The following TMEM132C variants were observed in gnomAD, a reference collection of about 807,000 sequenced individuals.
TMEM132C encodes transmembrane protein 132C, also known as protein phosphatase 1, regulatory subunit 152.
In TMEM132C, 29 loss-of-function variants were observed where a neutral mutation model predicts 61.4. The observed-to-expected ratio is 0.47, with a 90% CI of 0.35 to 0.64. The LOEUF (loss-of-function observed/expected upper bound fraction) is 0.64. TMEM132C is among the 30% of genes least tolerant of loss of function. TMEM132C has a pLI of 0.00. For missense variants in TMEM132C, 1,408 were observed against 1,476.9 expected (o/e 0.95, Z 0.76); for synonymous variants, 656 against 633.1 (o/e 1.04, Z -0.54).
intron 1 of TMEM132C, among the ~76,000 whole-genome samples, chr12:128,324,330 G>T (rs1296779806): frequency 6.6e-6 from 1 of 152,180 alleles, no homozygotes. Context: ...GTCTCCACCG[G>T]CCTAAAAGGA....
intron 1 of TMEM132C, among the ~76,000 whole-genome samples, chr12:128,359,860 T>C (rs1565912167): frequency 6.6e-6 from 1 of 152,208 alleles, no homozygotes; most frequent in South Asian, 2.1e-4. Context: ...AATTAGTCTT[T>C]ATAGCAGGAT....
At chr12:128,465,396 T>C (rs1870696791) in intron 2 of TMEM132C, among the ~76,000 whole-genome samples, 1 of 152,096 alleles carries the variant, frequency 6.6e-6, no homozygotes, top group Non-Finnish European at 1.5e-5. Flanking sequence ...GACGGGGTTT[T>C]TGCCATGTTG....
chr12:128,574,789 G>A (rs889799471), intron 3 of TMEM132C, among the ~76,000 whole-genome samples: 1 of 152,202 alleles, frequency 6.6e-6, no homozygotes, highest in African/African-American at 2.4e-5. Context: ...GGTGCTTTGA[G>A]TTTCTTCACT....
intron 1 of TMEM132C, among the ~76,000 whole-genome samples, chr12:128,349,079 C>T (rs1873257945): frequency 6.6e-6 from 1 of 152,238 alleles, no homozygotes; most frequent in Non-Finnish European, 1.5e-5. Context: ...CCTGGGCTCA[C>T]TGCAACATGT....
intron 4 of TMEM132C, among the ~76,000 whole-genome samples, chr12:128,620,614 C>T (rs1031048511): frequency 9.9e-5 from 15 of 152,212 alleles, no homozygotes; most frequent in South Asian, 4.1e-4. Context: ...CTAATTTTGG[C>T]GGTGTAGGAA....
At chr12:128,691,719 C>T (rs1229648028) in intron 5 of TMEM132C, among the ~76,000 whole-genome samples, 11 of 152,154 alleles carry the variant, frequency 7.2e-5, no homozygotes, top group African/African-American at 2.7e-4. Flanking sequence ...ATCAGTTCAT[C>T]TATCTATCCA....
At chr12:128,566,127 T>C (rs1398832940) in intron 3 of TMEM132C, among the ~76,000 whole-genome samples, 2 of 145,730 alleles carry the variant, frequency 1.4e-5, no homozygotes, top group African/African-American at 5.3e-5. Flanking sequence ...TGGCCTCAAG[T>C]GATCCACCTG....
chr12:128,581,808 G>A (rs904571601), intron 3 of TMEM132C, among the ~76,000 whole-genome samples: 6 of 152,332 alleles, frequency 3.9e-5, no homozygotes, highest in East Asian at 1.9e-4. Flanking sequence ...CAGATTCCCC[G>A]AAGAGATGTA....
intron 3 of TMEM132C, among the ~76,000 whole-genome samples, chr12:128,580,212 C>T (rs915489589): frequency 4.0e-4 from 60 of 151,558 alleles, no homozygotes; most frequent in African/African-American, 1.3e-3. Context: ...GCAGATAGAT[C>T]GAGACCATCC....
chr12:128,559,251 A>AT (rs1874434956), intron 3 of TMEM132C, among the ~76,000 whole-genome samples: 1 of 151,970 alleles, frequency 6.6e-6, no homozygotes, highest in Non-Finnish European at 1.5e-5. Flanking sequence ...TATATCTTGT[A>AT]TTTTTTCCAT....
intron 2 of TMEM132C, among the ~76,000 whole-genome samples, chr12:128,461,485 G>A (rs1448832522): frequency 2.0e-5 from 3 of 151,978 alleles, no homozygotes; most frequent in Non-Finnish European, 4.4e-5. Context: ...AAGGGACTTG[G>A]CCTGAAGACT....
At chr12:128,380,911 G>A (rs1449764653) in intron 1 of TMEM132C, among the ~76,000 whole-genome samples, 3 of 152,104 alleles carry the variant, frequency 2.0e-5, no homozygotes, top group African/African-American at 4.8e-5. Context: ...TGAACTCATG[G>A]CCAACTGCAC....
At chr12:128,590,377 G>T (rs1875707946) in intron 3 of TMEM132C, among the ~76,000 whole-genome samples, 1 of 152,200 alleles carries the variant, frequency 6.6e-6, no homozygotes, top group Non-Finnish European at 1.5e-5. Context: ...CAGGAAAACA[G>T]GATGAGAAAC....
chr12:128,441,956 C>T (rs564444229), intron 2 of TMEM132C, among the ~76,000 whole-genome samples: 107 of 152,206 alleles, frequency 7.0e-4, no homozygotes, highest in African/African-American at 2.2e-3. Context: ...GAGCCGGGAT[C>T]GCACCATGGC....
At chr12:128,333,132 A>G (rs974393840) in intron 1 of TMEM132C, among the ~76,000 whole-genome samples, 8 of 151,298 alleles carry the variant, frequency 5.3e-5, no homozygotes, top group African/African-American at 1.9e-4. Flanking sequence ...TGCTGTTTTT[A>G]TGTGTATGTG....
intron 2 of TMEM132C, among the ~76,000 whole-genome samples, chr12:128,494,536 G>C (rs921550571): frequency 1.3e-5 from 2 of 152,144 alleles, no homozygotes; most frequent in Non-Finnish European, 2.9e-5. Context: ...CCTGTTATTG[G>C]TCTATTCAGG....
At chr12:128,391,441 G>A (rs1296422920) in intron 1 of TMEM132C, among the ~76,000 whole-genome samples, 1 of 152,176 alleles carries the variant, frequency 6.6e-6, no homozygotes, top group Non-Finnish European at 1.5e-5. Flanking sequence ...CCTCAGGAAA[G>A]GTACCTTCAA....
intron 1 of TMEM132C, among the ~76,000 whole-genome samples, chr12:128,385,343 ACGCCGAG>A (rs1874542635): frequency 4.1e-5 from 4 of 96,978 alleles, no homozygotes; most frequent in South Asian, 2.8e-4. Context: ...TAAGACATAA[ACGCCGAG>A]TCCTCGCACA....
At chr12:128,700,431 A>G (rs536396939) in intron 8 of TMEM132C, among the ~76,000 whole-genome samples, 21 of 152,288 alleles carry the variant, frequency 1.4e-4, no homozygotes, top group African/African-American at 5.1e-4. Context: ...TGGCAAGTCA[A>G]CGGTGTTCTG....
Sources: gnomAD v4.1 joint callset for allele counts (sites outside exome capture counted in the v4.1 genomes callset) on GRCh38, gnomAD v4.1.1 for gene constraint, MANE v1.5 for transcripts, NCBI Gene and HGNC (gene_info 2026-07-23, HGNC 2026-07-21) for gene names.